The following METTL14 variants were observed in gnomAD, a reference collection of about 807,000 sequenced individuals.
METTL14 encodes N(6)-adenosine-methyltransferase non-catalytic subunit METTL14.
In METTL14, 32 loss-of-function variants were observed where a neutral mutation model predicts 62.4. That is an observed-to-expected ratio of 0.51 (90% CI 0.39 to 0.69). The LOEUF (loss-of-function observed/expected upper bound fraction) is 0.69, where lower values mean the gene tolerates loss of function less well. Among genes scored for constraint, METTL14 ranks in the 30% least tolerant of loss-of-function variants. The probability of loss-of-function intolerance (pLI) is 0.00; values close to 1 mark genes in which losing one functional copy is unlikely to be tolerated. For synonymous variants in METTL14, 150 were observed against 180.0 expected (o/e 0.83, Z 1.34); for missense variants, 340 against 551.9 (o/e 0.62, Z 3.85).
At chr4:118,690,126 C>T (rs1724201062) in intron 3 of METTL14, among the ~76,000 whole-genome samples, 1 of 145,606 alleles carries the variant, frequency 6.9e-6, no homozygotes, top group Admixed American at 7.2e-5. Flanking sequence ...GTGCAACTTC[C>T]GCCTCCTGGT....
intron 10 of METTL14, 124 bp downstream of exon 10, chr4:118,705,945 T>G: frequency 1.3e-6 from 1 of 794,298 alleles, no homozygotes; most frequent in Non-Finnish European, 2.0e-6. Flanking sequence ...GTACTTCAAA[T>G]ATGAACAGTT....
At position 118,697,181 on chromosome 4, in the gene METTL14, G is replaced by C. The variant is rs1724437209; in HGVS notation, c.504-1G>C. 6.3e-7 allele frequency: 1 copy of C among 1,582,428 alleles called. No homozygotes were observed. Among genetic ancestry groups the C allele is most frequent in the African/African-American group, 1.4e-5 (1 of 72,882 alleles). On this transcript the variant is annotated splice_acceptor_variant, in intron 6 of 10. Coordinates refer to ENST00000388822, the MANE Select transcript of METTL14 (RefSeq NM_020961.4). LOFTEE classifies it high-confidence loss of function. ...TCATTTTTAATGCTTTAATCAAATA[G>C]GTACTTACAAGCCGATATAGAAGCC...
At position 118,713,061 on chromosome 4, in the gene METTL14, A is replaced by G. The variant is rs1455961266; in HGVS notation, c.*2759A>G. On this transcript the variant is annotated 3_prime_UTR_variant, in exon 11 of 11. Coordinates refer to ENST00000388822, the MANE Select transcript of METTL14 (RefSeq NM_020961.4). ...GGTCATCATGAAACAGCACAGTGTG[A>G]GAGGTCAAGGTGTCAACCTGGGAAG... is the stretch of plus-strand genomic sequence containing the variant. 1 of 152,196 alleles carries G rather than the reference A, an allele frequency of 6.6e-6. No homozygotes were observed. The highest frequency in any genetic ancestry group is 2.4e-5 in the African/African-American group (1 of 41,420). 9.4% of individuals were successfully genotyped at this position (152,196 alleles called of 1,614,324 possible).
intron 5 of METTL14, among the ~76,000 whole-genome samples, chr4:118,693,361 CTT>C (rs2110466811): frequency 6.6e-6 from 1 of 152,028 alleles, no homozygotes; most frequent in South Asian, 2.1e-4. Flanking sequence ...TAACAAGAGT[CTT>C]TTATATATTC....
chr4:118,685,760 T>C (rs1005613289), intron 1 of METTL14, among the ~76,000 whole-genome samples, 160 bp downstream of exon 1: 4 of 152,196 alleles, frequency 2.6e-5, no homozygotes, highest in Admixed American at 2.6e-4. Context: ...TTTGTAGTTC[T>C]CAATTTTCGC....
At chr4:118,700,482 G>A in intron 7 of METTL14, 68 bp from the exon 8 acceptor site, 1 of 1,252,604 alleles carries the variant, frequency 8.0e-7, no homozygotes. Flanking sequence ...CTTAATTGTT[G>A]TTCTTTTGGA....
In METTL14 at chr4:118,712,225, G is replaced by T. The variant is rs1280552309; in HGVS notation, c.*1923G>T. On this transcript the variant is annotated 3_prime_UTR_variant, in exon 11 of 11. Coordinates refer to ENST00000388822, the MANE Select transcript of METTL14 (RefSeq NM_020961.4). ...TTGAGGTGTTGTTTTTGCAATGACTGTGTATTCATTGAGGAAAGGTTTCCA... is the reference window on the plus strand; with the variant it reads ...TTGAGGTGTTGTTTTTGCAATGACTTTGTATTCATTGAGGAAAGGTTTCCA... 6.6e-6 allele frequency: 1 copy of T among 152,164 alleles called. No homozygotes were observed. The highest frequency in any genetic ancestry group is 1.5e-5 in the Non-Finnish European group (1 of 68,018). 9.4% of individuals were successfully genotyped at this position (152,164 alleles called of 1,614,324 possible).
intron 10 of METTL14, among the ~76,000 whole-genome samples, 181 bp downstream of exon 10, chr4:118,706,002 A>G (rs1427477206): frequency 6.6e-6 from 1 of 152,202 alleles, no homozygotes; most frequent in East Asian, 1.9e-4. Flanking sequence ...ACTTTTCCAT[A>G]TACCTGCTGC....
chr4:118,686,672 C>G, intron 1 of METTL14: 2 of 455,878 alleles, frequency 4.4e-6, no homozygotes, highest in Non-Finnish European at 8.8e-6. Context: ...TTTTCGCCAA[C>G]TTCTTTTATC....
intron 3 of METTL14, among the ~76,000 whole-genome samples, chr4:118,690,282 C>G (rs1724206774): frequency 6.6e-6 from 1 of 151,408 alleles, no homozygotes; most frequent in South Asian, 2.1e-4. Context: ...TCATGATCCA[C>G]CCGCCTCGGC....
At chr4:118,709,897 G>C in intron 10 of METTL14, 101 bp from the exon 11 acceptor site, 1 of 1,108,438 alleles carries the variant, frequency 9.0e-7, no homozygotes, top group Non-Finnish European at 1.3e-6. Flanking sequence ...TGAATGATGG[G>C]GACATCTTTA....
In METTL14 at chr4:118,710,024, A is replaced by T. The variant is rs778682175; in HGVS notation, c.1093A>T (p.Thr365Ser). The change falls in exon 11 of 11, where the codon ACA (threonine) becomes TCA (serine). Residue 365 changes from threonine to serine, a missense_variant. This residue lies in a region of METTL14 where 62 missense variants were observed against 82.3 expected (regional missense o/e 0.75). Transcript: ENST00000388822. ...CTGGCTCACAGTTGGACCAACGCTT[A>T]CAAATAGCAACTACAATGCAGAAAC... is the stretch of plus-strand genomic sequence containing the variant. ...PGWLTVGPTL[T>S]NSNYNAETYA... 6.2e-7 allele frequency: 1 copy of T among 1,611,948 alleles called. No homozygotes were observed.
At position 118,712,921 on chromosome 4, in the gene METTL14, G is replaced by A. The variant is rs1724964133; in HGVS notation, c.*2619G>A. 1 of 152,202 alleles carries A rather than the reference G, an allele frequency of 6.6e-6. No homozygotes were observed. Among genetic ancestry groups the A allele is most frequent in the Non-Finnish European group, 1.5e-5 (1 of 68,034 alleles). The allele number at this position is 152,202 out of a possible 1,614,324, so 9.4% of individuals were successfully genotyped here. A position where few individuals can be genotyped will look rare whatever the true frequency, so the allele number is the denominator to read the frequency against. Reference sequence around the variant, plus strand: ...TTCTTCACTGTGGAGAAAGAAGAGGGCAGGTAGTTGATGATGTCAGGAGAA... The same window carrying A: ...TTCTTCACTGTGGAGAAAGAAGAGGACAGGTAGTTGATGATGTCAGGAGAA... On this transcript the variant is annotated 3_prime_UTR_variant, in exon 11 of 11. Transcript: ENST00000388822.
intron 6 of METTL14, among the ~76,000 whole-genome samples, chr4:118,695,962 T>C (rs187802000): frequency 0.015 from 2,274 of 151,408 alleles, 21 homozygotes; most frequent in Middle Eastern, 0.1. Flanking sequence ...ATACAAAAAT[T>C]AGCTGGGTGT....
At chr4:118,694,367 A>C in intron 5 of METTL14, 69 bp from the exon 6 acceptor site, 1 of 1,259,728 alleles carries the variant, frequency 7.9e-7, no homozygotes, top group East Asian at 2.4e-5. Flanking sequence ...GGGAGGGCTC[A>C]TAACTTTTGA....
rs1724893097 is a variant in METTL14 at position 118,710,650 on chromosome 4, A to G, written c.*348A>G. On this transcript the variant is annotated 3_prime_UTR_variant, in exon 11 of 11. Coordinates refer to ENST00000388822, the MANE Select transcript of METTL14 (RefSeq NM_020961.4). ...AATGGAAAAAGATCCAGTCTGTGGT[A>G]TCATGCTAGTGCTGACAGGGCCTTG... 5.3e-6 allele frequency: 1 copy of G among 188,158 alleles called. No individual in the cohort carries two copies. Among genetic ancestry groups the G allele is most frequent in the African/African-American group, 2.4e-5 (1 of 42,396 alleles). The allele number at this position is 188,158 out of a possible 1,614,324, so 11.7% of individuals were successfully genotyped here.
intron 10 of METTL14, among the ~76,000 whole-genome samples, chr4:118,709,284 G>T (rs1198870402): frequency 6.6e-6 from 1 of 152,168 alleles, no homozygotes; most frequent in Non-Finnish European, 1.5e-5. Flanking sequence ...CATTGTAAAA[G>T]ATCTTAGATT....
chr4:118,702,313 G>A (rs1318096048), intron 8 of METTL14, among the ~76,000 whole-genome samples: 1 of 151,510 alleles, frequency 6.6e-6, no homozygotes, highest in African/African-American at 2.4e-5. Flanking sequence ...GTGAGAGTTC[G>A]GCGAAAAATG....
Position 118,710,416 on chromosome 4 carries a change from T to A in METTL14, c.*114T>A, listed in dbSNP as rs1425773720. 1 of 1,043,068 alleles carries A rather than the reference T, an allele frequency of 9.6e-7. No individual in the cohort carries two copies. The highest frequency in any genetic ancestry group is 1.4e-6 in the Non-Finnish European group (1 of 731,514). 64.6% of individuals were successfully genotyped at this position (1,043,068 alleles called of 1,614,324 possible). A position where few individuals can be genotyped will look rare whatever the true frequency, so the allele number is the denominator to read the frequency against. On this transcript the variant is annotated 3_prime_UTR_variant, in exon 11 of 11. Coordinates refer to ENST00000388822, the MANE Select transcript of METTL14 (RefSeq NM_020961.4). ...TTCCAGCTTGCACTTTGCTTTAATT[T>A]CTCTGAGCTGCAAGAATGTCTTAGC...
Sources: gnomAD v4.1 joint callset for allele counts (sites outside exome capture counted in the v4.1 genomes callset) on GRCh38, gnomAD v4.1.1 for gene constraint, gnomAD v4.1.1 regional missense constraint, MANE v1.5 for transcripts, NCBI Gene and HGNC (gene_info 2026-07-23, HGNC 2026-07-21) for gene names.